Variants in ZNF737 observed in about 807,000 individuals in gnomAD.
The protein encoded by ZNF737 is zinc finger protein 102 (Y3).
In ZNF737, 13 loss-of-function variants were observed where a neutral mutation model predicts 11.7. The observed-to-expected ratio is 1.11, with a 90% CI of 0.73 to 1.77. The LOEUF (loss-of-function observed/expected upper bound fraction) is 1.77, where lower values mean the gene tolerates loss of function less well. Ranked by LOEUF, ZNF737 falls within the 40% of genes most tolerant of loss-of-function variation. The pLI, the probability that ZNF737 is intolerant of heterozygous loss-of-function variation, is 0.00. For synonymous variants in ZNF737, 217 were observed against 216.2 expected (o/e 1.00, Z -0.03); for missense variants, 636 against 638.0 (o/e 1.00, Z 0.03).
At position 20,544,621 on chromosome 19, in the gene ZNF737, T is replaced by C; in HGVS notation, c.1582A>G (p.Lys528Glu). The C allele has an allele frequency of 1.2e-6, 2 of 1,607,952 alleles. No individual in the cohort carries two copies. The highest frequency in any genetic ancestry group is 1.7e-6 in the Non-Finnish European group (2 of 1,177,670). Residue 528 changes from lysine to glutamate, a missense_variant, in exon 4 of 4, where the codon AAG (lysine) becomes GAG (glutamate). By Grantham distance (56) the Lys-to-Glu change is moderately conservative (BLOSUM62 1). Transcript: ENST00000427401. The stretch of plus-strand genomic sequence containing the variant: ...AGTTTCTCTCCAGTATGAATTACCT[T>C]ATGTGTAGTAAGGGTAGAGGGGCAC... ...FKCPSTLTTH[K>E]VIHTGEKL is the part of the protein sequence containing the mutation.
intron 2 of ZNF737, among the ~76,000 whole-genome samples, chr19:20,553,013 GAAAAAAA>G (rs34125607): frequency 3.0e-5 from 4 of 134,128 alleles, no homozygotes; most frequent in Admixed American, 2.3e-4. Flanking sequence ...CTCTGTCCCC[GAAAAAAA>G]AAAAAAAAAA....
At position 20,540,178 on chromosome 19, in the gene ZNF737, A is replaced by G. The variant is rs1407920515; in HGVS notation, c.*4414T>C. ...ATGTGGCCACCATAAGCAGCTTACA[A>G]CATGTTCTACCTAGAAGTCACTTAC... On this transcript the variant is annotated 3_prime_UTR_variant, in exon 4 of 4. Transcript: ENST00000427401. 9.1e-6 allele frequency: 9 copies of G among 985,068 alleles called. No homozygotes were observed. In the South Asian group the frequency reaches 4.2e-4, roughly 46 times the overall value. 61.0% of individuals were successfully genotyped at this position (985,068 alleles called of 1,614,324 possible).
Position 20,541,954 on chromosome 19 carries a change from T to A in ZNF737, c.*2638A>T, listed in dbSNP as rs1386253267. On this transcript the variant is annotated 3_prime_UTR_variant, in exon 4 of 4. Coordinates refer to ENST00000427401, the MANE Select transcript of ZNF737 (RefSeq NM_001159293.2). Reference sequence around the variant, plus strand: ...TATAAGGCATAAATATATACACATATTATATACCCACGAATACAAATAAAA... The same window carrying A: ...TATAAGGCATAAATATATACACATAATATATACCCACGAATACAAATAAAA... 3.4e-6 allele frequency: 3 copies of A among 894,516 alleles called. No individual in the cohort carries two copies. Among genetic ancestry groups the A allele is most frequent in the Non-Finnish European group, 4.0e-6 (3 of 747,984 alleles). 55.4% of individuals were successfully genotyped at this position (894,516 alleles called of 1,614,324 possible).
At chr19:20,560,022 C>A (rs1455356930) in intron 1 of ZNF737, among the ~76,000 whole-genome samples, 7 of 151,038 alleles carry the variant, frequency 4.6e-5, no homozygotes, top group Admixed American at 4.6e-4. Flanking sequence ...AAAAATTAGC[C>A]GGGCGCGGTG....
chr19:20,540,315 C>A lies in ZNF737; in HGVS notation c.*4277G>T, dbSNP rs916194493. 1.2e-4 allele frequency: 29 copies of A among 240,766 alleles called. No homozygotes were observed. The highest frequency in any genetic ancestry group is 6.5e-4 in the African/African-American group (28 of 42,984). 14.9% of individuals were successfully genotyped at this position (240,766 alleles called of 1,614,324 possible). A position where few individuals can be genotyped will look rare whatever the true frequency, so the allele number is the denominator to read the frequency against. Reference sequence around the variant, plus strand: ...TCCATTTTGATAAACACAAAGTCTACGGATGAGTAACCTAATTTCATAAGT... The same window carrying A: ...TCCATTTTGATAAACACAAAGTCTAAGGATGAGTAACCTAATTTCATAAGT... On this transcript the variant is annotated 3_prime_UTR_variant, in exon 4 of 4. Coordinates refer to ENST00000427401, the MANE Select transcript of ZNF737 (RefSeq NM_001159293.2).
chr19:20,565,607 C>G (rs372512265), intron 1 of ZNF737, 31 bp downstream of exon 1: 8 of 1,614,052 alleles, frequency 5.0e-6, no homozygotes, highest in Non-Finnish European at 6.8e-6. Context: ...GCCTATCCCC[C>G]TCTCTCGGGA....
downstream of ZNF737, among the ~76,000 whole-genome samples, chr19:20,531,530 C>A (rs1967829065): frequency 1.3e-5 from 2 of 149,738 alleles, no homozygotes; most frequent in Admixed American, 1.3e-4. Flanking sequence ...GATCTTAGCT[C>A]ACTGAAACCT....
downstream of ZNF737, chr19:20,536,092 T>C: frequency 1.0e-6 from 1 of 985,358 alleles, no homozygotes; most frequent in Non-Finnish European, 1.2e-6. Flanking sequence ...TCAATGTGGA[T>C]ACAGATGAGA....
In ZNF737 at chr19:20,543,091, CTT is replaced by C. The variant is rs536731582; in HGVS notation, c.*1499_*1500del. ...CCTTAGTTATTCTACTGTAAACTCT[CTT>C]GATATTTATATACAATCTATTTTGA... is the stretch of plus-strand genomic sequence containing the variant. On this transcript the variant is annotated 3_prime_UTR_variant, in exon 4 of 4. Coordinates refer to ENST00000427401, the MANE Select transcript of ZNF737 (RefSeq NM_001159293.2). 3.2e-4 allele frequency: 307 copies of C among 968,934 alleles called. 4 individuals are homozygous for C. The South Asian group carries it at 0.012, about 38-fold the overall frequency. 60.0% of individuals were successfully genotyped at this position (968,934 alleles called of 1,614,324 possible). A position where few individuals can be genotyped will look rare whatever the true frequency, so the allele number is the denominator to read the frequency against.
rs782249545 is a variant in ZNF737, at chr19:20,553,825, T to C, written c.14A>G (p.Gln5Arg). 1.9e-6 allele frequency: 3 copies of C among 1,613,426 alleles called. No homozygotes were observed. The highest frequency in any genetic ancestry group is 2.5e-6 in the Non-Finnish European group (3 of 1,179,804). The change falls in exon 2 of 4, where the codon CAA (glutamine) becomes CGA (arginine). Residue 5 changes from glutamine to arginine, a missense_variant. Transcript: ENST00000427401. ...GAATTCTATGGCCACGTCTCTAAAT[T>C]GCAATGGCCCCTGAAACACACACAC... MGPL[Q>R]FRDVAIEFSL...
Position 20,539,043 on chromosome 19 carries a change from C to A in ZNF737, c.*5549G>T. ...GGGAAAAGTGGCTCATGCCTGTAAT[C>A]CCAGCACTCTGGGAGGCTGAGGTGG... On this transcript the variant is annotated 3_prime_UTR_variant, in exon 4 of 4. Transcript: ENST00000427401. 1 of 973,222 alleles carries A rather than the reference C, an allele frequency of 1.0e-6. No homozygotes were observed. Among genetic ancestry groups the A allele is most frequent in the Non-Finnish European group, 1.2e-6 (1 of 818,904 alleles). The allele number at this position is 973,222 out of a possible 1,614,324, so 60.3% of individuals were successfully genotyped here. A position where few individuals can be genotyped will look rare whatever the true frequency, so the allele number is the denominator to read the frequency against.
At chr19:20,558,280 C>CAAA (rs35879543) in intron 1 of ZNF737, among the ~76,000 whole-genome samples, 1 of 142,658 alleles carries the variant, frequency 7.0e-6, no homozygotes. Context: ...GACTCCGTCT[C>CAAA]AAAAAAAAAA....
downstream of ZNF737, among the ~76,000 whole-genome samples, chr19:20,533,774 C>G (rs1967886003): frequency 6.7e-6 from 1 of 150,124 alleles, no homozygotes; most frequent in Non-Finnish European, 1.5e-5. Context: ...CTGAATGAAT[C>G]TGTAGCCACT....
rs374238246 is a variant in ZNF737 at position 20,545,660 on chromosome 19, A to G, written c.543T>C (p.Ala181=). ...KPFKCIECGK[A]FNQSSTLTTH... is the part of the protein sequence containing the mutation. ...TAGTAAGGGTTGAAGACTGGTTAAAAGCTTTGCCACATTCTATACATTTGA... is the reference window on the plus strand; with the variant it reads ...TAGTAAGGGTTGAAGACTGGTTAAAGGCTTTGCCACATTCTATACATTTGA... Residue 181 remains alanine, a synonymous_variant, in exon 4 of 4, where the codon GCT becomes GCC. Transcript: ENST00000427401. The G allele has an allele frequency of 6.2e-7, 1 of 1,613,836 alleles. No homozygotes were observed. The highest frequency in any genetic ancestry group is 8.5e-7 in the Non-Finnish European group (1 of 1,179,888).
At chr19:20,558,831 G>C (rs1968982509) in intron 1 of ZNF737, among the ~76,000 whole-genome samples, 1 of 152,212 alleles carries the variant, frequency 6.6e-6, no homozygotes, top group Non-Finnish European at 1.5e-5. Flanking sequence ...CCAGGCTAGA[G>C]AGACTCAGGC....
rs528190353 is a variant in ZNF737, at chr19:20,564,922, A to T, written c.3+716T>A. Among the ~76,000 whole-genome samples the T allele has an allele frequency of 2.7e-5, 4 of 148,594 alleles. No homozygotes were observed. In the East Asian group the frequency reaches 8.1e-4, roughly 30 times the overall value. ...AACTATAAACTGCCAATTAAACTGT[A>T]ATTACATAACCAGGAATTTTTTTTT... On this transcript the variant is annotated intron_variant, in intron 1 of 3. Transcript: ENST00000427401.
chr19:20,537,354 C>G (rs1968011152), downstream of ZNF737, among the ~76,000 whole-genome samples: 1 of 151,656 alleles, frequency 6.6e-6, no homozygotes, highest in Non-Finnish European at 1.5e-5. Flanking sequence ...GCACCTGCAA[C>G]CACACCTGGC....
At position 20,540,046 on chromosome 19, in the gene ZNF737, T is replaced by C. The variant is rs1188148372; in HGVS notation, c.*4546A>G. Reference sequence around the variant, plus strand: ...GAGAGGTGATTATTTCTTGAATGAATGAGATTCCCTTTTTTTTCCCTCTGC... The same window carrying C: ...GAGAGGTGATTATTTCTTGAATGAACGAGATTCCCTTTTTTTTCCCTCTGC... On this transcript the variant is annotated 3_prime_UTR_variant, in exon 4 of 4. Coordinates refer to ENST00000427401, the MANE Select transcript of ZNF737 (RefSeq NM_001159293.2). 6.1e-6 allele frequency: 6 copies of C among 985,320 alleles called. No individual in the cohort carries two copies. In the African/African-American group the frequency reaches 1.0e-4, roughly 17 times the overall value. The allele number at this position is 985,320 out of a possible 1,614,324, so 61.0% of individuals were successfully genotyped here. A position where few individuals can be genotyped will look rare whatever the true frequency, so the allele number is the denominator to read the frequency against.
chr19:20,535,052 A>G (rs1232806793), downstream of ZNF737, among the ~76,000 whole-genome samples: 3 of 150,092 alleles, frequency 2.0e-5, 1 homozygote, highest in African/African-American at 4.9e-5. Flanking sequence ...GAAGGAAAGG[A>G]AGAAAGAAAT....
Sources: allele counts gnomAD v4.1 joint callset (sites outside exome capture counted in the v4.1 genomes callset), GRCh38; gene constraint gnomAD v4.1.1; transcripts MANE v1.5; gene names NCBI Gene and HGNC (gene_info 2026-07-23, HGNC 2026-07-21).